The following SGMS1 variants were observed in gnomAD, a reference collection of about 807,000 sequenced individuals.
SGMS1 encodes the protein sphingomyelin synthase 1.
SGMS1 carries 13 observed loss-of-function variants against 46.2 expected under a neutral mutation model. That is an observed-to-expected ratio of 0.28 (90% CI 0.18 to 0.45). The LOEUF (loss-of-function observed/expected upper bound fraction) is 0.45, where lower values mean the gene tolerates loss of function less well. Ranked by LOEUF, SGMS1 falls within the 20% of genes least tolerant of loss-of-function variation. The probability of loss-of-function intolerance (pLI) is 1.00; values close to 1 mark genes in which losing one functional copy is unlikely to be tolerated. For synonymous variants in SGMS1, 203 were observed against 187.8 expected, an observed-to-expected ratio of 1.08 and a Z score of -0.66; for missense variants, 324 against 519.9, an observed-to-expected ratio of 0.62 and a Z score of 3.66.
intron 6 of SGMS1, among the ~76,000 whole-genome samples, chr10:50,359,517 G>A (rs1173333073): frequency 1.3e-5 from 2 of 152,110 alleles, no homozygotes; most frequent in Non-Finnish European, 2.9e-5. Flanking sequence ...TGTTCACTGA[G>A]GATATGAAAT....
chr10:50,566,800 C>T (rs764429179), intron 2 of SGMS1, among the ~76,000 whole-genome samples: 2 of 152,168 alleles, frequency 1.3e-5, no homozygotes, highest in African/African-American at 2.4e-5. Flanking sequence ...TGATGTAAAA[C>T]GGTGAAGCAT....
chr10:50,328,605 T>C (rs1847567110), intron 7 of SGMS1, among the ~76,000 whole-genome samples: 1 of 152,226 alleles, frequency 6.6e-6, no homozygotes, highest in Non-Finnish European at 1.5e-5. Context: ...AGCCCATGTA[T>C]GTTACTTAGG....
chr10:50,453,324 T>G (rs1295568017), intron 5 of SGMS1, among the ~76,000 whole-genome samples: 1 of 152,056 alleles, frequency 6.6e-6, no homozygotes, highest in African/African-American at 2.4e-5. Context: ...AAAAAACTCA[T>G]GTGAATTCAT....
At chr10:50,467,433 T>C (rs1488057312) in intron 3 of SGMS1, among the ~76,000 whole-genome samples, 2 of 152,174 alleles carry the variant, frequency 1.3e-5, no homozygotes, top group Non-Finnish European at 2.9e-5. Flanking sequence ...TAAATAACTC[T>C]AACCCACATC....
At chr10:50,618,131 T>C (rs920401479) in intron 1 of SGMS1, among the ~76,000 whole-genome samples, 2 of 152,172 alleles carry the variant, frequency 1.3e-5, no homozygotes, top group African/African-American at 2.4e-5. Context: ...CACTGTTTAA[T>C]AGATGATTTA....
chr10:50,620,653 G>C (rs1250628537), intron 1 of SGMS1, among the ~76,000 whole-genome samples: 1 of 152,118 alleles, frequency 6.6e-6, no homozygotes, highest in African/African-American at 2.4e-5. Flanking sequence ...TTGGAGGAAG[G>C]AACAGACAGT....
At chr10:50,576,767 GTA>G (rs1838389058) in intron 2 of SGMS1, among the ~76,000 whole-genome samples, 1 of 152,188 alleles carries the variant, frequency 6.6e-6, no homozygotes, top group Non-Finnish European at 1.5e-5. Flanking sequence ...TGCACCACAT[GTA>G]TATACATAAG....
intron 1 of SGMS1, among the ~76,000 whole-genome samples, chr10:50,602,502 G>A (rs562771078): frequency 6.6e-6 from 1 of 152,290 alleles, no homozygotes; most frequent in Non-Finnish European, 1.5e-5. Context: ...GGGGAAGAAG[G>A]GAGAAGAAGG....
chr10:50,411,418 T>C (rs1849098913), intron 6 of SGMS1, among the ~76,000 whole-genome samples: 1 of 152,206 alleles, frequency 6.6e-6, no homozygotes, highest in African/African-American at 2.4e-5. Flanking sequence ...TTTACATCTG[T>C]TAACTCAGCA....
intron 5 of SGMS1, among the ~76,000 whole-genome samples, chr10:50,442,863 G>A (rs1317457448): frequency 2.6e-5 from 4 of 152,160 alleles, no homozygotes; most frequent in Admixed American, 6.5e-5. Context: ...AAGCTCTTTA[G>A]TTTAATTAGA....
chr10:50,551,390 A>G (rs2133832613), intron 2 of SGMS1, among the ~76,000 whole-genome samples: 1 of 150,944 alleles, frequency 6.6e-6, no homozygotes, highest in Non-Finnish European at 1.5e-5. Flanking sequence ...AAAACCAGCA[A>G]GGCCTGAGAA....
chr10:50,315,855 C>A (rs1308289478), intron 8 of SGMS1, among the ~76,000 whole-genome samples: 4 of 152,134 alleles, frequency 2.6e-5, no homozygotes, highest in Non-Finnish European at 5.9e-5. Flanking sequence ...TAAAAACAGG[C>A]AATATTCTTC....
In SGMS1 at chr10:50,345,569, G is replaced by A. The variant is rs551204040; in HGVS notation, c.-231-1224C>T. 1.9e-3 allele frequency among the ~76,000 whole-genome samples: 283 copies of A among 152,286 alleles called. 3 individuals are homozygous for A. Among genetic ancestry groups the A allele is most frequent in the African/African-American group, 6.5e-3 (270 of 41,564 alleles). ...AAATAGAAACATACATGTATAATGTGTATATATAATACATATAACTGTAAC... is the reference window on the plus strand; with the variant it reads ...AAATAGAAACATACATGTATAATGTATATATATAATACATATAACTGTAAC... On this transcript the variant is annotated intron_variant, in intron 6 of 10. Transcript: ENST00000361781.
intron 6 of SGMS1, among the ~76,000 whole-genome samples, chr10:50,412,488 C>G (rs762206181): frequency 1.3e-5 from 2 of 152,196 alleles, no homozygotes; most frequent in Non-Finnish European, 2.9e-5. Flanking sequence ...CAAATACATA[C>G]AATGCCAATG....
intron 9 of SGMS1, among the ~76,000 whole-genome samples, chr10:50,311,036 G>A (rs1318430028): frequency 6.6e-6 from 1 of 152,138 alleles, no homozygotes; most frequent in East Asian, 1.9e-4. Flanking sequence ...CTCCACCCCA[G>A]TACTACAGAT....
intron 3 of SGMS1, among the ~76,000 whole-genome samples, chr10:50,499,066 T>C (rs1187929408): frequency 6.6e-6 from 1 of 152,238 alleles, no homozygotes; most frequent in Non-Finnish European, 1.5e-5. Flanking sequence ...TAAACTTTTG[T>C]CCCATCTATG....
At chr10:50,381,765 G>C (rs1270219593) in intron 6 of SGMS1, among the ~76,000 whole-genome samples, 2 of 152,184 alleles carry the variant, frequency 1.3e-5, no homozygotes, top group Admixed American at 6.5e-5. Flanking sequence ...AGGCTCGAAG[G>C]GTGGCCTGGC....
At chr10:50,344,961 C>T (rs974780171) in intron 6 of SGMS1, among the ~76,000 whole-genome samples, 1 of 151,964 alleles carries the variant, frequency 6.6e-6, no homozygotes, top group African/African-American at 2.4e-5. Flanking sequence ...GGTCAAGAGA[C>T]CAGGTATTCT....
intron 8 of SGMS1, among the ~76,000 whole-genome samples, chr10:50,322,406 T>G (rs968737693): frequency 6.6e-6 from 1 of 152,256 alleles, no homozygotes; most frequent in Non-Finnish European, 1.5e-5. Context: ...TGCCTGTTTA[T>G]CTGGGATTTT....
Sources: gnomAD v4.1 joint callset for allele counts (sites outside exome capture counted in the v4.1 genomes callset) on GRCh38, gnomAD v4.1.1 for gene constraint, MANE v1.5 for transcripts, NCBI Gene and HGNC (gene_info 2026-07-23, HGNC 2026-07-21) for gene names.